Variants in SSBP4 observed in about 807,000 individuals in gnomAD.
SSBP4 encodes the protein single stranded DNA binding protein 4.
In SSBP4, 33 loss-of-function variants were observed where a neutral mutation model predicts 64.6. The observed-to-expected ratio is 0.51, with a 90% CI of 0.39 to 0.68. The LOEUF is 0.68. Among genes scored for constraint, SSBP4 ranks in the 30% least tolerant of loss-of-function variants. The probability of loss-of-function intolerance (pLI) is 0.00; values close to 1 mark genes in which losing one functional copy is unlikely to be tolerated. For synonymous variants in SSBP4, 243 were observed against 224.0 expected (o/e 1.08, Z -0.76); for missense variants, 583 against 566.8 (o/e 1.03, Z -0.29).
intron 1 of SSBP4, among the ~76,000 whole-genome samples, chr19:18,420,507 G>A (rs547398757): frequency 2.2e-4 from 33 of 152,216 alleles, no homozygotes; most frequent in Non-Finnish European, 3.8e-4. Context: ...GCATTTGAAA[G>A]GTGCTTGGAG....
At chr19:18,424,240 T>C (rs1443120348) in intron 1 of SSBP4, among the ~76,000 whole-genome samples, 1 of 152,212 alleles carries the variant, frequency 6.6e-6, no homozygotes, top group East Asian at 1.9e-4. Flanking sequence ...ACTTACCCCA[T>C]GGTTCGCCTA....
the SSBP4 span, among the ~76,000 whole-genome samples, chr19:18,403,966 C>G: frequency 6.6e-6 from 1 of 151,962 alleles, no homozygotes; most frequent in Non-Finnish European, 1.5e-5. Context: ...AGGCTTGAGT[C>G]CCAGGCAGGG....
intron 17 of SSBP4, 187 bp from the exon 18 acceptor site, chr19:18,434,030 C>A: frequency 7.7e-7 from 1 of 1,297,010 alleles, no homozygotes; most frequent in Non-Finnish European, 9.8e-7. Flanking sequence ...CCATCCGCCC[C>A]CACCCCGGGA....
intron 1 of SSBP4, 100 bp downstream of exon 1, chr19:18,419,807 A>T: frequency 1.1e-6 from 1 of 913,948 alleles, no homozygotes; most frequent in South Asian, 5.1e-5. Flanking sequence ...GGCGGCGGGG[A>T]GCGCGAGCCT....
intron 4 of SSBP4, among the ~76,000 whole-genome samples, chr19:18,430,262 A>G (rs1034463446): frequency 3.3e-5 from 5 of 151,920 alleles, no homozygotes; most frequent in Non-Finnish European, 5.9e-5. Context: ...TAGGCCCCAT[A>G]GCAGACAGGT....
In SSBP4 at chr19:18,419,616, G is replaced by C. The variant is rs1180764728; in HGVS notation, c.-33G>C. 4 of 1,264,120 alleles carry C rather than the reference G, an allele frequency of 3.2e-6. No homozygotes were observed. In the East Asian group the frequency reaches 1.1e-4, roughly 35 times the overall value. The allele number at this position is 1,264,120 out of a possible 1,614,324, so 78.3% of individuals were successfully genotyped here. Reference sequence around the variant, plus strand: ...CGCGGCCCGCGGCGCCGCCTGACAGGTGTGGGCCCCGGCGGCGGCGGCGTG... The same window carrying C: ...CGCGGCCCGCGGCGCCGCCTGACAGCTGTGGGCCCCGGCGGCGGCGGCGTG... On this transcript the variant is annotated 5_prime_UTR_variant, in exon 1 of 18. Coordinates refer to ENST00000270061, the MANE Select transcript of SSBP4 (RefSeq NM_032627.5).
rs1555720283 is a variant in SSBP4 at position 18,419,477 on chromosome 19, T to TGCCGCCGCCGCCGCG, written c.-167_-153dup. The TGCCGCCGCCGCCGCG allele has an allele frequency of 9.3e-7, 1 of 1,078,160 alleles. No individual in the cohort carries two copies. The highest frequency in any genetic ancestry group is 1.7e-5 in the African/African-American group (1 of 59,062). 66.8% of individuals were successfully genotyped at this position (1,078,160 alleles called of 1,614,324 possible). ...CCGGGGCCGGAGCTGGAGCCGCCGC[T>TGCCGCCGCCGCCGCG]GCCGCCGCCGCCGCGGCCGTCTGGA... is the stretch of plus-strand genomic sequence containing the variant. On this transcript the variant is annotated 5_prime_UTR_variant, in exon 1 of 18. Transcript: ENST00000270061.
rs1306776217 is a variant in SSBP4 at position 18,427,100 on chromosome 19, A to G, written c.60-251A>G. On this transcript the variant is annotated intron_variant, in intron 1 of 17. Coordinates refer to ENST00000270061, the MANE Select transcript of SSBP4 (RefSeq NM_032627.5). This position sits in a 1 kb window ranked among gnomAD's most constrained non-coding sequence, Gnocchi z 4.4. ...AGCGCTGAGGCCTCTCTGGAGTCTC[A>G]GTGTTGGCAGGACATGGCCAGGACT... Among the ~76,000 whole-genome samples, 1 of 152,134 alleles carries G rather than the reference A, an allele frequency of 6.6e-6. No individual in the cohort carries two copies. The highest frequency in any genetic ancestry group is 1.5e-5 in the Non-Finnish European group (1 of 67,992).
chr19:18,411,076 A>T, the SSBP4 span, among the ~76,000 whole-genome samples: 2 of 151,108 alleles, frequency 1.3e-5, no homozygotes, highest in Non-Finnish European at 3.0e-5. Context: ...GGAGTTCAAG[A>T]CCAGTCTGGG....
chr19:18,419,732 C>A, intron 1 of SSBP4, 25 bp downstream of exon 1: 1 of 1,139,016 alleles, frequency 8.8e-7, no homozygotes, highest in East Asian at 4.4e-5. Context: ...GGGGGCGGGG[C>A]TCGGCGTCCG....
chr19:18,411,175 A>T, the SSBP4 span, among the ~76,000 whole-genome samples: 1 of 151,920 alleles, frequency 6.6e-6, no homozygotes. Flanking sequence ...TGGGGCAATA[A>T]ATATGCAAAA....
rs546686430 is a variant in SSBP4, at chr19:18,431,878, C to T, written c.565+16C>T. 3 of 1,569,706 alleles carry T rather than the reference C, an allele frequency of 1.9e-6. No individual in the cohort carries two copies. The highest frequency in any genetic ancestry group is 2.6e-6 in the Non-Finnish European group (3 of 1,154,946). ...CGAGCCCAGGGTGAGTAGGGAAGCT[C>T]CAGCCCCTATCCCGCCATCAATCAG... On this transcript the variant is annotated intron_variant, in intron 8 of 17. Transcript: ENST00000270061.
Position 18,432,729 on chromosome 19 carries a change from C to G in SSBP4, c.780C>G (p.Ser260Arg). 6.3e-7 allele frequency: 1 copy of G among 1,592,982 alleles called. No individual in the cohort carries two copies. The highest frequency in any genetic ancestry group is 8.6e-7 in the Non-Finnish European group (1 of 1,165,214). ...SIPYSSSSPG[S>R]YTGPPGGGGP... ...CCTACTCCTCCTCATCCCCCGGCAGCTACACCGTAAGTCTGAGCAAAGCTG... is the reference window on the plus strand; with the variant it reads ...CCTACTCCTCCTCATCCCCCGGCAGGTACACCGTAAGTCTGAGCAAAGCTG... The change falls in exon 12 of 18, where the codon AGC (serine) becomes AGG (arginine). Residue 260 changes from serine (S) to arginine (R), a missense_variant. Coordinates refer to ENST00000270061, the MANE Select transcript of SSBP4 (RefSeq NM_032627.5).
At chr19:18,413,701 G>A in the SSBP4 span, among the ~76,000 whole-genome samples, 1 of 152,162 alleles carries the variant, frequency 6.6e-6, no homozygotes, top group Non-Finnish European at 1.5e-5. Flanking sequence ...ACCTTAGGGA[G>A]ACTGGCATGT....
chr19:18,413,147 G>GTTTTT, the SSBP4 span, among the ~76,000 whole-genome samples: 1 of 114,548 alleles, frequency 8.7e-6, no homozygotes, highest in Non-Finnish European at 1.7e-5. Context: ...TTTGGTTTGG[G>GTTTTT]TTTTTTTTTT....
At chr19:18,415,077 G>T (rs536851233), upstream of SSBP4, among the ~76,000 whole-genome samples, 1 of 127,188 alleles carries the variant, frequency 7.9e-6, no homozygotes, top group Admixed American at 8.5e-5. Context: ...CCCCACCCTC[G>T]ACCTACCCTC....
the SSBP4 span, among the ~76,000 whole-genome samples, chr19:18,405,923 G>A: frequency 2.6e-5 from 4 of 151,572 alleles, no homozygotes; most frequent in African/African-American, 7.3e-5. Context: ...CCTGGGAGGC[G>A]GAGCTTGCAG....
intron 5 of SSBP4, 54 bp downstream of exon 5, chr19:18,430,984 G>C: frequency 1.3e-6 from 2 of 1,584,262 alleles, no homozygotes; most frequent in Non-Finnish European, 8.6e-7. Flanking sequence ...ACATGCGTTT[G>C]AGGGTGGGGG....
chr19:18,424,039 G>C (rs1423261980), intron 1 of SSBP4, among the ~76,000 whole-genome samples: 3 of 152,210 alleles, frequency 2.0e-5, no homozygotes, highest in African/African-American at 7.2e-5. Context: ...GAACAGCCAG[G>C]CTTCAAAACT....
Sources: gnomAD v4.1 joint callset for allele counts (sites outside exome capture counted in the v4.1 genomes callset) on GRCh38, gnomAD v4.1.1 for gene constraint, Gnocchi (gnomAD v3.1) non-coding constraint, MANE v1.5 for transcripts, NCBI Gene and HGNC (gene_info 2026-07-23, HGNC 2026-07-21) for gene names.